TBC1D1: variants seen among roughly 807,000 people sequenced by gnomAD.
TBC1D1 encodes TBC1 domain family member 1.
TBC1D1 carries 89 observed loss-of-function variants against 125.6 expected under a neutral mutation model. The observed-to-expected ratio is 0.71, with a 90% CI of 0.60 to 0.85. The LOEUF (loss-of-function observed/expected upper bound fraction) is 0.85, where lower values mean the gene tolerates loss of function less well. Ranked by LOEUF, TBC1D1 falls within the 40% of genes least tolerant of loss-of-function variation. TBC1D1 has a pLI of 0.00. For missense variants in TBC1D1, 1,377 were observed against 1,469.2 expected, an observed-to-expected ratio of 0.94 and a Z score of 1.03; for synonymous variants, 565 against 564.1, an observed-to-expected ratio of 1.00 and a Z score of -0.02.
intron 7 of TBC1D1, among the ~76,000 whole-genome samples, chr4:38,029,893 G>A (rs532803876): frequency 6.6e-6 from 1 of 152,290 alleles, no homozygotes; most frequent in East Asian, 1.9e-4. Context: ...GATCTTTAGA[G>A]TTCTAAGTAC....
intron 2 of TBC1D1, among the ~76,000 whole-genome samples, chr4:37,906,217 G>A (rs776156751): frequency 1.3e-5 from 2 of 151,716 alleles, no homozygotes; most frequent in Non-Finnish European, 2.9e-5. Flanking sequence ...GCCCGATTTC[G>A]GCTCACTGCA....
chr4:38,095,909 T>C lies in TBC1D1; in HGVS notation c.2237-20T>C, dbSNP rs368081119. ...ATAGCTGTAGCCTTTACTAATGCGCTCTGGAATGGTCTATTCCAGCCTCTG... is the reference window on the plus strand; with the variant it reads ...ATAGCTGTAGCCTTTACTAATGCGCCCTGGAATGGTCTATTCCAGCCTCTG... On this transcript the variant is annotated intron_variant, in intron 13 of 19. Transcript: ENST00000261439. The C allele has an allele frequency of 2.1e-5, 34 of 1,603,484 alleles. 1 individual carries two copies. The African/African-American group carries it at 3.1e-4, about 15-fold the overall frequency.
At chr4:37,914,368 T>C (rs1719258739) in intron 2 of TBC1D1, among the ~76,000 whole-genome samples, 2 of 152,242 alleles carry the variant, frequency 1.3e-5, no homozygotes, top group Admixed American at 6.5e-5. Flanking sequence ...TCTATAGCTC[T>C]AAGTGGTGAT....
intron 18 of TBC1D1, 46 bp from the exon 21 acceptor site, chr4:38,133,038 G>A (rs367688119): frequency 3.8e-6 from 6 of 1,565,226 alleles, no homozygotes; most frequent in Admixed American, 3.7e-5. Flanking sequence ...GTACTTGTGG[G>A]GTTTTTCTCA....
intron 15 of TBC1D1, chr4:38,112,073 C>T (rs2152568586): frequency 1.0e-6 from 1 of 985,418 alleles, no homozygotes; most frequent in Non-Finnish European, 1.2e-6. Flanking sequence ...GTTTCTGAAA[C>T]TGCATCCTGG....
intron 2 of TBC1D1, among the ~76,000 whole-genome samples, chr4:37,912,173 A>G (rs1718761573): frequency 6.6e-6 from 1 of 152,160 alleles, no homozygotes. Flanking sequence ...AATTCATTTC[A>G]TGTTGAAGGG....
chr4:38,112,791 G>C (rs644418), intron 15 of TBC1D1, among the ~76,000 whole-genome samples: 81,300 of 152,096 alleles, frequency 0.53, 21,973 homozygotes, highest in Non-Finnish European at 0.57. Context: ...GAGCAGAACT[G>C]GAGGCCAGTG....
chr4:37,993,514 C>A (rs536002230), intron 2 of TBC1D1, among the ~76,000 whole-genome samples: 6 of 152,256 alleles, frequency 3.9e-5, no homozygotes, highest in Admixed American at 2.6e-4. Context: ...AGTTCAGTTC[C>A]AGCAAGTCAC....
intron 15 of TBC1D1, among the ~76,000 whole-genome samples, chr4:38,112,455 G>A (rs147509595): frequency 6.6e-5 from 10 of 152,242 alleles, no homozygotes; most frequent in East Asian, 5.8e-4. Flanking sequence ...TGGTCTATCC[G>A]AAGATTATTG....
intron 15 of TBC1D1, among the ~76,000 whole-genome samples, chr4:38,103,590 T>G (rs753807172): frequency 5.3e-5 from 8 of 152,160 alleles, no homozygotes; most frequent in Non-Finnish European, 7.3e-5. Context: ...AGAAAGCAGT[T>G]TGTGTGTGTG....
chr4:37,922,630 TTTTCTG>T (rs1721252101), intron 2 of TBC1D1, among the ~76,000 whole-genome samples: 1 of 152,224 alleles, frequency 6.6e-6, no homozygotes. Flanking sequence ...TCTCAGTTCT[TTTTCTG>T]TTTCTATCTA....
rs1230739042 is a variant in TBC1D1 at position 38,050,533 on chromosome 4, TC to T, written c.1910+641del. Among the ~76,000 whole-genome samples the T allele has an allele frequency of 3.3e-5, 5 of 152,262 alleles. No homozygotes were observed. In the East Asian group the frequency reaches 7.7e-4, roughly 23 times the overall value. On this transcript the variant is annotated intron_variant, in intron 11 of 19. Transcript: ENST00000261439. Reference sequence around the variant, plus strand: ...GTTATGGAGAAGAGTAATCAGAAGTTCCCCCCATTCCTTCCAAGTGTCCCTT... The same window carrying T: ...GTTATGGAGAAGAGTAATCAGAAGTTCCCCCATTCCTTCCAAGTGTCCCTT...
intron 1 of TBC1D1, among the ~76,000 whole-genome samples, chr4:37,900,412 T>A (rs1434175558): frequency 1.8e-4 from 17 of 95,252 alleles, no homozygotes; most frequent in African/African-American, 2.2e-4. Context: ...AATATCTTTT[T>A]TTTTTTTTTT....
At chr4:37,987,496 G>A (rs1213401730) in intron 2 of TBC1D1, among the ~76,000 whole-genome samples, 1 of 152,102 alleles carries the variant, frequency 6.6e-6, no homozygotes, top group African/African-American at 2.4e-5. Flanking sequence ...AAAATATCTT[G>A]TTCCACTGAG....
chr4:38,025,389 A>C (rs914774835), intron 6 of TBC1D1, among the ~76,000 whole-genome samples: 1 of 152,220 alleles, frequency 6.6e-6, no homozygotes, highest in Non-Finnish European at 1.5e-5. Flanking sequence ...GAAACCACCC[A>C]GGAGGGGCTA....
At chr4:38,056,368 A>C (rs953288728) in intron 12 of TBC1D1, among the ~76,000 whole-genome samples, 3 of 152,218 alleles carry the variant, frequency 2.0e-5, no homozygotes, top group Non-Finnish European at 4.4e-5. Context: ...TGGCTCTGGC[A>C]GTGTGTTGCT....
chr4:38,058,877 G>T (rs770034912), intron 12 of TBC1D1, among the ~76,000 whole-genome samples: 2 of 152,168 alleles, frequency 1.3e-5, no homozygotes, highest in Non-Finnish European at 2.9e-5. Context: ...GGAGAGAAGG[G>T]TGTTAAGTGA....
At position 38,112,020 on chromosome 4, in the gene TBC1D1, T is replaced by C. The variant is rs17497866; in HGVS notation, c.2558-3690T>C. The C allele has an allele frequency of 6.8e-5, 67 of 985,286 alleles. No homozygotes were observed. The East Asian group carries it at 7.1e-3, about 105-fold the overall frequency. The allele number at this position is 985,286 out of a possible 1,614,324, so 61.0% of individuals were successfully genotyped here. A position where few individuals can be genotyped will look rare whatever the true frequency, so the allele number is the denominator to read the frequency against. ...GGAAGATGTGTTTTAGCTTGGCCAG[T>C]TTCATGCAGGACAGATTTTCTGCAT... On this transcript the variant is annotated intron_variant, in intron 15 of 19. Transcript: ENST00000261439.
chr4:38,026,647 C>A (rs1313785109), intron 6 of TBC1D1, among the ~76,000 whole-genome samples: 2 of 151,414 alleles, frequency 1.3e-5, no homozygotes, highest in Non-Finnish European at 2.9e-5. Flanking sequence ...CTTTTTTTTT[C>A]TTTTCATGGC....
Sources: gnomAD v4.1 joint callset for allele counts (sites outside exome capture counted in the v4.1 genomes callset) on GRCh38, gnomAD v4.1.1 for gene constraint, MANE v1.5 for transcripts, NCBI Gene and HGNC (gene_info 2026-07-23, HGNC 2026-07-21) for gene names.